BCAS3: variants seen among roughly 807,000 people sequenced by gnomAD.
The protein encoded by BCAS3 is BCAS3 microtubule associated cell migration factor, also known as BCAS4/BCAS3 fusion.
Under a neutral mutation model 116.1 loss-of-function variants are expected in BCAS3, and 53 were observed. That is an observed-to-expected ratio of 0.46 (90% confidence interval 0.37 to 0.57). The LOEUF (loss-of-function observed/expected upper bound fraction) is 0.57. Ranked by LOEUF, BCAS3 falls within the 20% of genes least tolerant of loss-of-function variation. The pLI, the probability that BCAS3 is intolerant of heterozygous loss-of-function variation, is 0.00. For missense variants in BCAS3, 917 were observed against 1,165.4 expected (o/e 0.79, Z 3.10); for synonymous variants, 391 against 408.2 (o/e 0.96, Z 0.51).
In BCAS3 at chr17:61,276,975, GTGGTAGGC is replaced by G. The variant is rs1312212247; in HGVS notation, c.2426-91348_2426-91341del. ...GAGGAAAGAATAGTAGTTTCAACAA[GTGGTAGGC>G]TGGGCATGGTGGCTCATGCCTGTAA... is the stretch of plus-strand genomic sequence containing the variant. On this transcript the variant is annotated intron_variant, in intron 22 of 23. Coordinates refer to ENST00000407086, the MANE Select transcript of BCAS3 (RefSeq NM_017679.5). The surrounding 1 kb of genome is among the most constrained non-coding windows in gnomAD (Gnocchi z 4.2). Among the ~76,000 whole-genome samples, 1 of 152,076 alleles carries G rather than the reference GTGGTAGGC, an allele frequency of 6.6e-6. No homozygotes were observed. Among genetic ancestry groups the G allele is most frequent in the Non-Finnish European group, 1.5e-5 (1 of 68,006 alleles).
chr17:60,742,711 G>A (rs1029049180), intron 5 of BCAS3, among the ~76,000 whole-genome samples: 4 of 151,472 alleles, frequency 2.6e-5, no homozygotes, highest in African/African-American at 9.7e-5. Context: ...GGGATTATAA[G>A]GCATGAGCTA....
intron 22 of BCAS3, among the ~76,000 whole-genome samples, chr17:61,290,854 C>T (rs936203324): frequency 1.3e-5 from 2 of 152,090 alleles, no homozygotes; most frequent in African/African-American, 4.8e-5. Flanking sequence ...GATCTCGGCT[C>T]ACTGTGAGCT....
chr17:60,728,754 C>T (rs1365900069), intron 5 of BCAS3, among the ~76,000 whole-genome samples: 1 of 152,172 alleles, frequency 6.6e-6, no homozygotes, highest in Non-Finnish European at 1.5e-5. Flanking sequence ...GCTGGGATTA[C>T]AGGCATGAGC....
rs1190180584 is a variant in BCAS3, at chr17:61,381,624, C to G, written c.2594-10353C>G. 6.6e-6 allele frequency among the ~76,000 whole-genome samples: 1 copy of G among 152,200 alleles called. No homozygotes were observed. The highest frequency in any genetic ancestry group is 1.5e-5 in the Non-Finnish European group (1 of 68,038). ...TGCCACCGAGAAGTTAAATCTATTA[C>G]TAAACTCAGGTTTACCATCTGGAAA... On this transcript the variant is annotated intron_variant, in intron 23 of 23. Transcript: ENST00000407086. The surrounding 1 kb of genome is among the most constrained non-coding windows in gnomAD (Gnocchi z 6.0).
chr17:61,262,787 G>A (rs1040541633), intron 22 of BCAS3, among the ~76,000 whole-genome samples: 1 of 151,354 alleles, frequency 6.6e-6, no homozygotes, highest in Non-Finnish European at 1.5e-5. Flanking sequence ...CTGCCTCCCA[G>A]GTTCAACCAA....
chr17:61,108,595 T>C (rs912426452), intron 22 of BCAS3, among the ~76,000 whole-genome samples: 2 of 135,498 alleles, frequency 1.5e-5, no homozygotes, highest in Non-Finnish European at 3.1e-5. Flanking sequence ...TCTTGATTTG[T>C]CTATAGTGGT....
intron 6 of BCAS3, among the ~76,000 whole-genome samples, chr17:60,770,375 C>CGATG (rs1487156842): frequency 1.4e-5 from 2 of 141,310 alleles, no homozygotes; most frequent in Admixed American, 1.4e-4. Flanking sequence ...TCCTTGCCAT[C>CGATG]GCCTCTCTCA....
At chr17:60,814,874 A>C (rs1006774180) in intron 7 of BCAS3, among the ~76,000 whole-genome samples, 1 of 152,204 alleles carries the variant, frequency 6.6e-6, no homozygotes. Context: ...ACTATTATTT[A>C]AAAGTCCTGT....
Position 61,180,705 on chromosome 17 carries a change from C to G in BCAS3, c.2425+96141C>G, listed in dbSNP as rs1327504334. ...CGTGTCTGCACAGTGGAACATAAAG[C>G]AGCAGCTTAGATGGCATATGGCACT... On this transcript the variant is annotated intron_variant, in intron 22 of 23. Transcript: ENST00000407086. The surrounding 1 kb of genome is among the most constrained non-coding windows in gnomAD (Gnocchi z 6.0). Among the ~76,000 whole-genome samples, 3 of 152,198 alleles carry G rather than the reference C, an allele frequency of 2.0e-5. No individual in the cohort carries two copies. Among genetic ancestry groups the G allele is most frequent in the African/African-American group, 4.8e-5 (2 of 41,436 alleles).
chr17:60,866,971 A>G (rs2054650278), intron 7 of BCAS3, among the ~76,000 whole-genome samples: 1 of 152,040 alleles, frequency 6.6e-6, no homozygotes, highest in African/African-American at 2.4e-5. Flanking sequence ...CCTTTACAAT[A>G]AGTCTTATTA....
chr17:60,980,466 G>A (rs1247404603), intron 14 of BCAS3: 1 of 150,346 alleles, frequency 6.7e-6, no homozygotes, highest in Non-Finnish European at 1.5e-5. Context: ...TTATTTATCA[G>A]ATGTATTATT....
chr17:60,815,789 T>C (rs973657040), intron 7 of BCAS3, among the ~76,000 whole-genome samples: 1 of 152,190 alleles, frequency 6.6e-6, no homozygotes, highest in African/African-American at 2.4e-5. Flanking sequence ...TCATGAAGTG[T>C]CTGCTTAGAG....
intron 4 of BCAS3, among the ~76,000 whole-genome samples, chr17:60,697,645 A>G (rs539157151): frequency 2.0e-5 from 3 of 152,026 alleles, no homozygotes; most frequent in South Asian, 4.2e-4. Context: ...AGGTGTGAAT[A>G]GAAATCCAGT....
intron 18 of BCAS3, among the ~76,000 whole-genome samples, chr17:61,039,360 C>G (rs191710315): frequency 1.7e-3 from 261 of 152,132 alleles, no homozygotes; most frequent in Non-Finnish European, 3.0e-3. Context: ...ATGGATATTT[C>G]TACTTTTTAA....
rs2144194028 is a variant in BCAS3 at position 60,736,372 on chromosome 17, G to C, written c.322-10826G>C. Reference sequence around the variant, plus strand: ...CTAATTTTTTTGTATTTTTATTAGAGACGGTGTTTCTCCATGTTGGCCAGG... The same window carrying C: ...CTAATTTTTTTGTATTTTTATTAGACACGGTGTTTCTCCATGTTGGCCAGG... On this transcript the variant is annotated intron_variant, in intron 5 of 23. Transcript: ENST00000407086. 4.6e-5 allele frequency among the ~76,000 whole-genome samples: 7 copies of C among 151,454 alleles called. No homozygotes were observed. In the South Asian group the frequency reaches 1.5e-3, roughly 32 times the overall value.
chr17:61,270,112 ATTTTTTTTTTT>A (rs1202865412), intron 22 of BCAS3, among the ~76,000 whole-genome samples: 9 of 68,814 alleles, frequency 1.3e-4, no homozygotes, highest in African/African-American at 4.3e-4. Flanking sequence ...GCCTTCTGCC[ATTTTTTTTTTT>A]TTTTTTTTTT....
intron 19 of BCAS3, among the ~76,000 whole-genome samples, chr17:61,044,719 T>C (rs1420528693): frequency 1.3e-5 from 2 of 151,766 alleles, no homozygotes; most frequent in African/African-American, 4.8e-5. Flanking sequence ...TAGATATCAA[T>C]TATTATACTT....
rs1294907772 is a variant in BCAS3 at position 61,186,714 on chromosome 17, T to C, written c.2425+102150T>C. 5.9e-5 allele frequency among the ~76,000 whole-genome samples: 9 copies of C among 151,898 alleles called. No homozygotes were observed. The highest frequency in any genetic ancestry group is 2.2e-4 in the African/African-American group (9 of 41,356). On this transcript the variant is annotated intron_variant, in intron 22 of 23. Coordinates refer to ENST00000407086, the MANE Select transcript of BCAS3 (RefSeq NM_017679.5). This position sits in a 1 kb window ranked among gnomAD's most constrained non-coding sequence, Gnocchi z 4.9. ...GTTTAGAGGCCACCAATATTAACAGTTGTTTTTTTTTTTTGAGACGGAGTC... is the reference window on the plus strand; with the variant it reads ...GTTTAGAGGCCACCAATATTAACAGCTGTTTTTTTTTTTTGAGACGGAGTC...
At chr17:61,155,111 A>G (rs899653677) in intron 22 of BCAS3, among the ~76,000 whole-genome samples, 11 of 152,348 alleles carry the variant, frequency 7.2e-5, no homozygotes, top group African/African-American at 2.6e-4. Context: ...GATGACCTCA[A>G]CAAACCCATT....
Sources: allele counts gnomAD v4.1 joint callset (sites outside exome capture counted in the v4.1 genomes callset), GRCh38; gene constraint gnomAD v4.1.1; non-coding constraint Gnocchi (gnomAD v3.1); transcripts MANE v1.5; gene names NCBI Gene and HGNC (gene_info 2026-07-23, HGNC 2026-07-21).